The following MCU variants were observed in gnomAD, a reference collection of about 807,000 sequenced individuals.
MCU encodes the protein calcium uniporter protein, mitochondrial.
MCU carries 12 observed loss-of-function variants against 45.2 expected under a neutral mutation model. The ratio of observed to expected loss-of-function variants is 0.27; its 90% CI spans 0.17 to 0.43. The LOEUF is 0.43. Among genes scored for constraint, MCU ranks in the 20% least tolerant of loss-of-function variants. The pLI, the probability that MCU is intolerant of heterozygous loss-of-function variation, is 1.00. For missense variants in MCU, 324 were observed against 436.7 expected (o/e 0.74, Z 2.30); for synonymous variants, 160 against 165.1 (o/e 0.97, Z 0.24).
At chr10:72,713,945 A>G (rs1219817784) in intron 1 of MCU, among the ~76,000 whole-genome samples, 1 of 97,302 alleles carries the variant, frequency 1.0e-5, no homozygotes, top group Admixed American at 1.1e-4. Context: ...CTCTTTCATC[A>G]TTTGTGTGTG....
intron 1 of MCU, among the ~76,000 whole-genome samples, chr10:72,823,448 G>A (rs1475113631): frequency 6.6e-6 from 1 of 152,156 alleles, no homozygotes; most frequent in Non-Finnish European, 1.5e-5. Context: ...AGACAGGAGA[G>A]GTCAGCTGGA....
chr10:72,874,976 G>A (rs1476726866), intron 6 of MCU, among the ~76,000 whole-genome samples: 1 of 152,062 alleles, frequency 6.6e-6, no homozygotes, highest in Non-Finnish European at 1.5e-5. Flanking sequence ...CTAATTATGT[G>A]TCCAGCATTT....
chr10:72,859,649 T>G (rs1438492516), intron 3 of MCU, among the ~76,000 whole-genome samples: 1 of 152,186 alleles, frequency 6.6e-6, no homozygotes, highest in Non-Finnish European at 1.5e-5. Flanking sequence ...TATTGAGACT[T>G]TTTATCATTA....
chr10:72,769,295 C>T (rs1262132229), intron 1 of MCU, among the ~76,000 whole-genome samples: 3 of 152,060 alleles, frequency 2.0e-5, no homozygotes, highest in Non-Finnish European at 2.9e-5. Context: ...AGAATAAAAC[C>T]GAGTTCTTGC....
chr10:72,701,022 C>CT (rs1842752556), intron 1 of MCU, among the ~76,000 whole-genome samples: 1 of 152,144 alleles, frequency 6.6e-6, no homozygotes, highest in Non-Finnish European at 1.5e-5. Context: ...ATTTAAACTT[C>CT]TTTTTTGTCT....
intron 1 of MCU, among the ~76,000 whole-genome samples, chr10:72,747,186 C>T (rs377734342): frequency 3.6e-4 from 55 of 152,262 alleles, no homozygotes; most frequent in East Asian, 2.7e-3. Context: ...ATGGGTTTCC[C>T]AAGCTGGCAT....
intron 1 of MCU, among the ~76,000 whole-genome samples, chr10:72,789,073 C>T (rs1337156210): frequency 6.6e-6 from 1 of 152,096 alleles, no homozygotes; most frequent in African/African-American, 2.4e-5. Flanking sequence ...ATGATTGTGT[C>T]TACTCCTTGA....
intron 1 of MCU, among the ~76,000 whole-genome samples, chr10:72,779,250 G>A (rs1192989077): frequency 6.6e-6 from 1 of 152,192 alleles, no homozygotes; most frequent in African/African-American, 2.4e-5. Flanking sequence ...TTACAGGCGT[G>A]AGCCACTGCG....
At chr10:72,789,481 C>T (rs1589460709) in intron 1 of MCU, among the ~76,000 whole-genome samples, 2 of 152,176 alleles carry the variant, frequency 1.3e-5, no homozygotes, top group East Asian at 3.9e-4. Context: ...ATAATGCTAG[C>T]TTTATGTCAT....
At chr10:72,784,134 C>T (rs1052428578) in intron 1 of MCU, among the ~76,000 whole-genome samples, 1 of 152,206 alleles carries the variant, frequency 6.6e-6, no homozygotes, top group East Asian at 1.9e-4. Flanking sequence ...TGAATGCCCA[C>T]TTACCTGGAT....
chr10:72,725,195 G>A (rs1843080350), intron 1 of MCU, among the ~76,000 whole-genome samples: 2 of 150,772 alleles, frequency 1.3e-5, no homozygotes, highest in African/African-American at 4.9e-5. Flanking sequence ...GTGTGATCTC[G>A]GCTCACTGTA....
chr10:72,827,754 A>T (rs1460042857), intron 1 of MCU, among the ~76,000 whole-genome samples: 1 of 152,154 alleles, frequency 6.6e-6, no homozygotes, highest in East Asian at 1.9e-4. Flanking sequence ...CTTGTGAAAT[A>T]GTTTTATTGT....
intron 1 of MCU, among the ~76,000 whole-genome samples, chr10:72,824,730 T>C (rs1182560990): frequency 2.0e-5 from 3 of 152,090 alleles, no homozygotes; most frequent in African/African-American, 7.2e-5. Context: ...CATGGGAGGG[T>C]AGAGAGTGAT....
intron 1 of MCU, among the ~76,000 whole-genome samples, chr10:72,792,804 G>A (rs940573070): frequency 6.8e-6 from 1 of 147,490 alleles, no homozygotes; most frequent in African/African-American, 2.5e-5. Context: ...AATGACATCA[G>A]TGTGTGTAAG....
chr10:72,795,999 A>G lies in MCU; in HGVS notation c.151-38360A>G, dbSNP rs532457192. Among the ~76,000 whole-genome samples the G allele has an allele frequency of 1.2e-4, 18 of 152,078 alleles. No homozygotes were observed. The East Asian group carries it at 3.1e-3, about 26-fold the overall frequency. ...CGCGACAGAGCAAGACTCCATCTCA[A>G]TGAAAAAAAAAATATGCCACTCTGT... is the stretch of plus-strand genomic sequence containing the variant. On this transcript the variant is annotated intron_variant, in intron 1 of 7. Coordinates refer to ENST00000373053, the MANE Select transcript of MCU (RefSeq NM_138357.3).
intron 1 of MCU, among the ~76,000 whole-genome samples, chr10:72,744,405 A>G (rs1564544690): frequency 2.0e-5 from 3 of 152,206 alleles, no homozygotes; most frequent in Non-Finnish European, 4.4e-5. Context: ...AGAAAGTGCT[A>G]GAATTTTTGG....
chr10:72,725,401 C>T (rs1297566892), intron 1 of MCU, among the ~76,000 whole-genome samples: 1 of 151,264 alleles, frequency 6.6e-6, no homozygotes, highest in African/African-American at 2.4e-5. Context: ...GCTGAGATTA[C>T]AGGCATGAGC....
chr10:72,875,618 A>T (rs1440959505), intron 6 of MCU, among the ~76,000 whole-genome samples: 1 of 152,230 alleles, frequency 6.6e-6, no homozygotes, highest in Admixed American at 6.5e-5. Context: ...TGGCATTTAA[A>T]CTCTTCTAAA....
In MCU at chr10:72,834,327, C is replaced by T. The variant is rs201520246; in HGVS notation, c.151-32C>T. 1.4e-3 allele frequency: 2,143 copies of T among 1,554,966 alleles called. 10 individuals are homozygous for T. The highest frequency in any genetic ancestry group is 1.3e-3 in the Non-Finnish European group (1,499 of 1,127,242). On this transcript the variant is annotated intron_variant, in intron 1 of 7. Coordinates refer to ENST00000373053, the MANE Select transcript of MCU (RefSeq NM_138357.3). ...ATAAGTATATGTTTGTTGTTCCATT[C>T]TGACAGTAGATGTATCTTTTGTGTT...
Sources: gnomAD v4.1 joint callset for allele counts (sites outside exome capture counted in the v4.1 genomes callset) on GRCh38, gnomAD v4.1.1 for gene constraint, MANE v1.5 for transcripts, NCBI Gene and HGNC (gene_info 2026-07-23, HGNC 2026-07-21) for gene names.